Variants in PPP1R12A observed in about 807,000 individuals in gnomAD.
PPP1R12A encodes the protein myosin binding subunit.
A neutral mutation model predicts 139.6 loss-of-function variants in PPP1R12A; 19 were observed. The ratio of observed to expected loss-of-function variants is 0.14; its 90% confidence interval spans 0.09 to 0.20. The LOEUF is 0.20. PPP1R12A is among the 10% of genes least tolerant of loss of function. The pLI is 1.00. For missense variants in PPP1R12A, 925 were observed against 1,211.5 expected, an observed-to-expected ratio of 0.76 and a Z score of 3.51; for synonymous variants, 427 against 420.6, an observed-to-expected ratio of 1.02 and a Z score of -0.19.
chr12:79,867,796 G>A (rs1054614785), intron 2 of PPP1R12A, among the ~76,000 whole-genome samples: 1 of 152,124 alleles, frequency 6.6e-6, no homozygotes, highest in Admixed American at 6.6e-5. Flanking sequence ...GTGACAGTGA[G>A]TGAGTTCTCA....
chr12:79,789,155 C>T (rs1287224767), intron 20 of PPP1R12A, among the ~76,000 whole-genome samples: 1 of 152,028 alleles, frequency 6.6e-6, no homozygotes, highest in Non-Finnish European at 1.5e-5. Context: ...TGGTCTTGAA[C>T]TCCTGGGCTC....
intron 1 of PPP1R12A, among the ~76,000 whole-genome samples, chr12:79,932,025 G>T (rs2136979603): frequency 6.6e-6 from 1 of 152,202 alleles, no homozygotes; most frequent in African/African-American, 2.4e-5. Flanking sequence ...GCATATTTGT[G>T]GGTTGTGATG....
chr12:79,787,665 C>T (rs1431090560), intron 21 of PPP1R12A: 1 of 152,266 alleles, frequency 6.6e-6, no homozygotes, highest in Non-Finnish European at 1.5e-5. Flanking sequence ...GCATGCGCCA[C>T]CACACCTGGG....
intron 3 of PPP1R12A, among the ~76,000 whole-genome samples, chr12:79,841,941 T>C (rs1219162673): frequency 1.3e-5 from 2 of 152,230 alleles, no homozygotes; most frequent in African/African-American, 4.8e-5. Context: ...TCTAGTTATA[T>C]TTAATCACTT....
rs1015698398 is a variant in PPP1R12A at position 79,922,280 on chromosome 12, C to A, written c.237+12415G>T. On this transcript the variant is annotated intron_variant, in intron 1 of 24. Coordinates refer to ENST00000450142, the MANE Select transcript of PPP1R12A (RefSeq NM_002480.3). ...CCATCTCAAAACAAAACAAAAAAAA[C>A]AATAAATAAAACAAAAATCTGCCTG... 2.6e-5 allele frequency among the ~76,000 whole-genome samples: 4 copies of A among 152,100 alleles called. No individual in the cohort carries two copies. In the East Asian group the frequency reaches 7.7e-4, roughly 29 times the overall value.
At chr12:79,875,025 A>G (rs1176957765) in intron 1 of PPP1R12A, among the ~76,000 whole-genome samples, 2 of 152,158 alleles carry the variant, frequency 1.3e-5, no homozygotes, top group East Asian at 1.9e-4. Context: ...ATCCTTTTCA[A>G]GTAATTCCTA....
At chr12:79,881,000 AAC>A (rs1222348638) in intron 1 of PPP1R12A, among the ~76,000 whole-genome samples, 2 of 152,130 alleles carry the variant, frequency 1.3e-5, no homozygotes, top group African/African-American at 4.8e-5. Context: ...GGGCGCCATG[AAC>A]CATATTCATA....
intron 1 of PPP1R12A, among the ~76,000 whole-genome samples, chr12:79,907,416 A>C (rs928818719): frequency 7.9e-5 from 12 of 152,226 alleles, no homozygotes; most frequent in Admixed American, 7.9e-4. Context: ...CCTATACTAA[A>C]ATATCATCAA....
At position 79,790,205 on chromosome 12, in the gene PPP1R12A, A is replaced by G. The variant is rs573411983; in HGVS notation, c.2666+262T>C. On this transcript the variant is annotated intron_variant, in intron 20 of 24. Transcript: ENST00000450142. ...GTTTTATCAGTCCCTGATGTTAATA[A>G]TGAGATAGTTGAACTAACTTAAGAA... Among the ~76,000 whole-genome samples the G allele has an allele frequency of 1.7e-3, 257 of 152,324 alleles. 1 individual carries two copies. Among genetic ancestry groups the G allele is most frequent in the Middle Eastern group, 3.4e-3 (1 of 294 alleles).
At chr12:79,819,812 CTTG>C (rs1875865484) in intron 8 of PPP1R12A, among the ~76,000 whole-genome samples, 1 of 151,786 alleles carries the variant, frequency 6.6e-6, no homozygotes, top group Non-Finnish European at 1.5e-5. Flanking sequence ...GTAACATGTG[CTTG>C]TTGTCCCAGC....
intron 6 of PPP1R12A, 84 bp downstream of exon 6, chr12:79,822,032 C>A: frequency 2.0e-6 from 2 of 994,982 alleles, no homozygotes; most frequent in South Asian, 3.1e-5. Context: ...AAGTACAAAA[C>A]ATCACAAGAA....
chr12:79,912,005 G>C (rs577544561), intron 1 of PPP1R12A, among the ~76,000 whole-genome samples: 4 of 152,132 alleles, frequency 2.6e-5, no homozygotes, highest in African/African-American at 9.7e-5. Context: ...TATACTGTTT[G>C]CTATACCATT....
chr12:79,873,891 G>A (rs916880211), intron 1 of PPP1R12A, among the ~76,000 whole-genome samples: 1 of 152,136 alleles, frequency 6.6e-6, no homozygotes, highest in Non-Finnish European at 1.5e-5. Flanking sequence ...GCAACATTAT[G>A]TCTACTTAAA....
At chr12:79,920,022 C>T (rs1386907844) in intron 1 of PPP1R12A, among the ~76,000 whole-genome samples, 1 of 152,120 alleles carries the variant, frequency 6.6e-6, no homozygotes, top group Non-Finnish European at 1.5e-5. Context: ...AGTTATTCAC[C>T]AACTCCCCTC....
intron 1 of PPP1R12A, among the ~76,000 whole-genome samples, chr12:79,930,976 A>C (rs960468986): frequency 1.3e-5 from 2 of 152,198 alleles, no homozygotes; most frequent in African/African-American, 4.8e-5. Context: ...ATTAACAGAA[A>C]CAGGAACATC....
intron 1 of PPP1R12A, among the ~76,000 whole-genome samples, chr12:79,909,884 TAGAG>T (rs1203160853): frequency 1.3e-5 from 2 of 152,002 alleles, no homozygotes; most frequent in South Asian, 4.2e-4. Context: ...TGTATTTTTG[TAGAG>T]AGAGAGTTTC....
At chr12:79,785,181 T>C (rs1323651237) in intron 22 of PPP1R12A, among the ~76,000 whole-genome samples, 14 of 152,242 alleles carry the variant, frequency 9.2e-5, no homozygotes, top group Admixed American at 6.5e-4. Flanking sequence ...TTAATGTGTA[T>C]GACACTGTAA....
chr12:79,780,663 T>C (rs148599363), intron 23 of PPP1R12A: 3 of 152,292 alleles, frequency 2.0e-5, no homozygotes, highest in African/African-American at 7.2e-5. Flanking sequence ...CAACCGTTAG[T>C]ATAACAGAGA....
intron 18 of PPP1R12A, 27 bp downstream of exon 18, chr12:79,795,611 A>G: frequency 6.3e-7 from 1 of 1,590,678 alleles, no homozygotes; most frequent in South Asian, 1.1e-5. Flanking sequence ...GAATACTATC[A>G]AATAATGTAT....
Sources: gnomAD v4.1 joint callset for allele counts (sites outside exome capture counted in the v4.1 genomes callset) on GRCh38, gnomAD v4.1.1 for gene constraint, MANE v1.5 for transcripts, NCBI Gene and HGNC (gene_info 2026-07-23, HGNC 2026-07-21) for gene names.